DLG2: variants seen among roughly 807,000 people sequenced by gnomAD.
DLG2 encodes the protein disks large homolog 2.
Under a neutral mutation model 132.5 loss-of-function variants are expected in DLG2, and 45 were observed. That is an observed-to-expected ratio of 0.34 (90% CI 0.27 to 0.44). The LOEUF (loss-of-function observed/expected upper bound fraction) is 0.44, where lower values mean the gene tolerates loss of function less well. DLG2 is among the 20% of genes least tolerant of loss of function. The pLI is 1.00. For missense variants in DLG2, 1,045 were observed against 1,196.9 expected, an observed-to-expected ratio of 0.87 and a Z score of 1.87; for synonymous variants, 424 against 419.6, an observed-to-expected ratio of 1.01 and a Z score of -0.13.
intron 3 of DLG2, among the ~76,000 whole-genome samples, chr11:85,493,937 AT>A (rs2093617292): frequency 6.6e-6 from 1 of 152,160 alleles, no homozygotes; most frequent in African/African-American, 2.4e-5. Flanking sequence ...CACCAGTAGG[AT>A]TGGCATTCAG....
intron 3 of DLG2, among the ~76,000 whole-genome samples, chr11:85,297,356 A>C (rs951663085): frequency 1.3e-5 from 2 of 152,190 alleles, no homozygotes; most frequent in Non-Finnish European, 2.9e-5. Context: ...GATCAACTGC[A>C]GTCCCCAAGT....
chr11:85,463,989 T>TACACACACACACACACAC (rs374003945), intron 3 of DLG2, among the ~76,000 whole-genome samples: 102,841 of 139,082 alleles, frequency 0.74, 38,241 homozygotes, highest in East Asian at 0.86. Context: ...GACATACATG[T>TACACACACACACACACAC]ACACACACAC....
rs1022219609 is a variant in DLG2, at chr11:83,457,589, G to A, written c.*2229C>T. On this transcript the variant is annotated 3_prime_UTR_variant, in exon 28 of 28. Coordinates refer to ENST00000376104, the MANE Select transcript of DLG2 (RefSeq NM_001142699.3). ...CTAGTAAATGGAAAGCACATCACAC[G>A]ACCCGCGAAAACATCTACTCATTAA... The A allele has an allele frequency of 1.3e-5, 2 of 152,462 alleles. No individual in the cohort carries two copies. The highest frequency in any genetic ancestry group is 2.4e-5 in the African/African-American group (1 of 41,410). The allele number at this position is 152,462 out of a possible 1,614,324, so 9.4% of individuals were successfully genotyped here. A position where few individuals can be genotyped will look rare whatever the true frequency, so the allele number is the denominator to read the frequency against.
chr11:85,625,160 C>A (rs941488575), intron 2 of DLG2: 1 of 152,166 alleles, frequency 6.6e-6, no homozygotes, highest in Non-Finnish European at 1.5e-5. Context: ...TCCTTTCACT[C>A]TTTTCCTCTC....
chr11:85,300,697 A>C (rs1213042855), intron 3 of DLG2, among the ~76,000 whole-genome samples: 2 of 152,202 alleles, frequency 1.3e-5, no homozygotes, highest in Non-Finnish European at 2.9e-5. Context: ...GTGTCAGTGA[A>C]TATCAGGCCT....
intron 3 of DLG2, among the ~76,000 whole-genome samples, chr11:85,333,077 A>G (rs1317695178): frequency 6.6e-6 from 1 of 152,142 alleles, no homozygotes; most frequent in Non-Finnish European, 1.5e-5. Context: ...CTTCCTATCC[A>G]TGAGCATGGA....
At chr11:84,031,209 A>G (rs546953598) in intron 11 of DLG2, among the ~76,000 whole-genome samples, 1 of 149,030 alleles carries the variant, frequency 6.7e-6, no homozygotes, top group South Asian at 2.2e-4. Context: ...TTGCTCTCTC[A>G]TCTCTCCTCT....
chr11:85,136,280 T>C (rs548605029), intron 5 of DLG2, among the ~76,000 whole-genome samples: 150 of 152,330 alleles, frequency 9.8e-4, no homozygotes, highest in African/African-American at 3.4e-3. Flanking sequence ...CCTCAAGTGA[T>C]TAACTGGATA....
At chr11:85,504,280 C>T (rs1371131908) in intron 3 of DLG2, among the ~76,000 whole-genome samples, 1 of 151,940 alleles carries the variant, frequency 6.6e-6, no homozygotes, top group African/African-American at 2.4e-5. Context: ...GTCATGAAGT[C>T]CTTGCCCATG....
chr11:85,317,725 T>G (rs906372481), intron 3 of DLG2, among the ~76,000 whole-genome samples: 1 of 151,666 alleles, frequency 6.6e-6, no homozygotes, highest in East Asian at 1.9e-4. Flanking sequence ...CATGAACACA[T>G]AGAAGGGAGC....
At chr11:85,380,591 C>T (rs745471726) in intron 3 of DLG2, among the ~76,000 whole-genome samples, 10 of 152,096 alleles carry the variant, frequency 6.6e-5, no homozygotes, top group Admixed American at 5.2e-4. Flanking sequence ...ACCTAGGAGG[C>T]GGAGGTTGCG....
At chr11:85,122,310 C>T (rs778792856) in intron 5 of DLG2, among the ~76,000 whole-genome samples, 6 of 152,116 alleles carry the variant, frequency 3.9e-5, no homozygotes, top group East Asian at 3.9e-4. Context: ...AAGAGAAATC[C>T]GCATTTAGCT....
chr11:84,644,347 T>C (rs1292291339), intron 6 of DLG2, among the ~76,000 whole-genome samples: 1 of 152,198 alleles, frequency 6.6e-6, no homozygotes, highest in Non-Finnish European at 1.5e-5. Context: ...CGCCACCTGG[T>C]AAAGTTTCCT....
chr11:84,362,277 G>A (rs971313117), intron 7 of DLG2, among the ~76,000 whole-genome samples: 1 of 151,972 alleles, frequency 6.6e-6, no homozygotes, highest in Non-Finnish European at 1.5e-5. Flanking sequence ...CCTTGAAAGA[G>A]TAAATGCCTT....
chr11:85,320,110 A>G (rs1186488414), intron 3 of DLG2, among the ~76,000 whole-genome samples: 1 of 151,902 alleles, frequency 6.6e-6, no homozygotes, highest in Non-Finnish European at 1.5e-5. Context: ...ATGCCATCTT[A>G]TAGACTACAT....
At chr11:83,616,619 T>G (rs1205281383) in intron 19 of DLG2, among the ~76,000 whole-genome samples, 1 of 152,212 alleles carries the variant, frequency 6.6e-6, no homozygotes, top group Non-Finnish European at 1.5e-5. Context: ...ATTCTCTTCA[T>G]GGTGTCTTTA....
chr11:85,158,125 T>C (rs972005257), intron 4 of DLG2, among the ~76,000 whole-genome samples: 12 of 151,928 alleles, frequency 7.9e-5, no homozygotes, highest in Non-Finnish European at 1.5e-4. Context: ...TATAAGGAGG[T>C]ACACTATACT....
rs571829290 is a variant in DLG2, at chr11:84,339,267, G to T, written c.520-87976C>A. Among the ~76,000 whole-genome samples the T allele has an allele frequency of 1.2e-4, 19 of 152,114 alleles. No homozygotes were observed. The South Asian group carries it at 3.9e-3, about 32-fold the overall frequency. On this transcript the variant is annotated intron_variant, in intron 7 of 27. Transcript: ENST00000376104. ...AAAGCAAAAGTAATAGGATGAAGGGGGCCTACACTTATGAAGCATTAATGT... is the reference window on the plus strand; with the variant it reads ...AAAGCAAAAGTAATAGGATGAAGGGTGCCTACACTTATGAAGCATTAATGT...
chr11:85,501,307 A>AT (rs560321585), intron 3 of DLG2, among the ~76,000 whole-genome samples: 49 of 152,368 alleles, frequency 3.2e-4, no homozygotes, highest in African/African-American at 1.1e-3. Flanking sequence ...ACCTAGGACC[A>AT]TAAAAATCCT....
Sources: allele counts gnomAD v4.1 joint callset (sites outside exome capture counted in the v4.1 genomes callset), GRCh38; gene constraint gnomAD v4.1.1; transcripts MANE v1.5; gene names NCBI Gene and HGNC (gene_info 2026-07-23, HGNC 2026-07-21).